Variants in ZFHX3 observed in about 807,000 individuals in gnomAD.
The protein encoded by ZFHX3 is zinc finger homeobox protein 3.
Under a neutral mutation model 279.1 loss-of-function variants are expected in ZFHX3, and 42 were observed. The ratio of observed to expected loss-of-function variants is 0.15; its 90% CI spans 0.12 to 0.19. The LOEUF (loss-of-function observed/expected upper bound fraction) is 0.19. Ranked by LOEUF, ZFHX3 falls within the 10% of genes least tolerant of loss-of-function variation. The probability of loss-of-function intolerance (pLI) is 1.00; values close to 1 mark genes in which losing one functional copy is unlikely to be tolerated. For synonymous variants in ZFHX3, 2,293 were observed against 1,957.8 expected, an observed-to-expected ratio of 1.17 and a Z score of -4.52; for missense variants, 4,981 against 4,754.0, an observed-to-expected ratio of 1.05 and a Z score of -1.40.
intron 2 of ZFHX3, among the ~76,000 whole-genome samples, chr16:73,474,129 T>TTTTATTTATTTA (rs578092478): frequency 4.0e-5 from 6 of 148,808 alleles, no homozygotes; most frequent in African/African-American, 1.5e-4. Flanking sequence ...TCTCGCTCTT[T>TTTTATTTATTTA]TTTATTTATT....
intron 2 of ZFHX3, among the ~76,000 whole-genome samples, chr16:73,647,935 C>A (rs750075341): frequency 1.3e-5 from 2 of 151,998 alleles, no homozygotes; most frequent in Non-Finnish European, 1.5e-5. Context: ...ATAAAACATA[C>A]GCTCAATACA....
intron 1 of ZFHX3, among the ~76,000 whole-genome samples, chr16:73,033,341 C>A (rs1009521002): frequency 6.6e-6 from 1 of 151,284 alleles, no homozygotes. Flanking sequence ...CAGGCGCCTC[C>A]GAGGGTTCGT....
intron 2 of ZFHX3, among the ~76,000 whole-genome samples, chr16:73,584,008 G>C (rs542686558): frequency 1.3e-5 from 2 of 152,154 alleles, no homozygotes; most frequent in Non-Finnish European, 2.9e-5. Context: ...AATATGCTTA[G>C]ACATTGAATT....
Position 72,950,588 on chromosome 16 carries a change from C to T in ZFHX3, c.3097G>A (p.Ala1033Thr). The T allele has an allele frequency of 6.2e-7, 1 of 1,614,220 alleles. No homozygotes were observed. Among genetic ancestry groups the T allele is most frequent in the African/African-American group, 1.3e-5 (1 of 75,050 alleles). Residue 1033 changes from alanine (A) to threonine (T), a missense_variant, in exon 3 of 10, where the codon GCC (alanine) becomes ACC (threonine). Ala to Thr is a moderately conservative substitution (Grantham distance 58). This residue lies in a region of ZFHX3 where 1,751 missense variants were observed against 1,770.0 expected (regional missense o/e 0.99). Coordinates refer to ENST00000268489, the MANE Select transcript of ZFHX3 (RefSeq NM_006885.4). Reference sequence around the variant, plus strand: ...TTGAGGTGCACGGGGTTGCCGATGGCCACACACTTGAGCCTCCACTCGTTG... The same window carrying T: ...TTGAGGTGCACGGGGTTGCCGATGGTCACACACTTGAGCCTCCACTCGTTG... ...KANEWRLKCV[A>T]IGNPVHLKCN...
At chr16:73,414,697 G>C (rs1025957376) in intron 3 of ZFHX3, among the ~76,000 whole-genome samples, 5 of 152,278 alleles carry the variant, frequency 3.3e-5, no homozygotes, top group African/African-American at 1.2e-4. Flanking sequence ...AATCCACCAG[G>C]CATGGGGGCA....
chr16:73,615,299 G>C (rs997571288), intron 2 of ZFHX3, among the ~76,000 whole-genome samples: 7 of 152,044 alleles, frequency 4.6e-5, no homozygotes, highest in Admixed American at 2.6e-4. Flanking sequence ...CAGAGATGAC[G>C]GATGTGACAG....
chr16:73,764,808 G>C (rs944500871), intron 1 of ZFHX3, among the ~76,000 whole-genome samples: 4 of 152,176 alleles, frequency 2.6e-5, no homozygotes, highest in African/African-American at 7.2e-5. Flanking sequence ...ATGAGCCTAA[G>C]CCACCCTGCT....
intron 1 of ZFHX3, among the ~76,000 whole-genome samples, chr16:73,728,319 G>A (rs1244937720): frequency 6.6e-6 from 1 of 152,132 alleles, no homozygotes; most frequent in Admixed American, 6.5e-5. Flanking sequence ...CTGACACCTT[G>A]ATCTCAGACT....
At position 73,677,448 on chromosome 16, in the gene ZFHX3, A is replaced by T. The variant is rs1428901553; in HGVS notation, c.-1547+2732T>A. ...TTAATAAACAACAACAACAACAAAA[A>T]ATGAATTAACTAAGCATGCAACTTT... On this transcript the variant is annotated intron_variant, in intron 2 of 17. Coordinates refer to the ZFHX3 transcript ENST00000641206. Among the ~76,000 whole-genome samples, 5 of 151,842 alleles carry T rather than the reference A, an allele frequency of 3.3e-5. 1 individual carries two copies. Among genetic ancestry groups the T allele is most frequent in the Non-Finnish European group, 1.5e-5 (1 of 67,818 alleles).
At chr16:73,646,324 G>A (rs1330050263) in intron 2 of ZFHX3, among the ~76,000 whole-genome samples, 2 of 151,850 alleles carry the variant, frequency 1.3e-5, no homozygotes, top group Non-Finnish European at 2.9e-5. Flanking sequence ...GAGACAATGA[G>A]GGTACCCACC....
intron 7 of ZFHX3, among the ~76,000 whole-genome samples, chr16:73,104,495 G>A (rs575231324): frequency 8.5e-5 from 13 of 152,274 alleles, no homozygotes; most frequent in African/African-American, 2.4e-4. Context: ...CTCCCAAAGT[G>A]CTGGGATTAC....
intron 1 of ZFHX3, among the ~76,000 whole-genome samples, chr16:73,817,333 C>T (rs1960601923): frequency 1.3e-5 from 2 of 152,136 alleles, no homozygotes; most frequent in South Asian, 4.1e-4. Context: ...TCACCATATT[C>T]TGGAGAGGGC....
chr16:73,509,800 A>AAG (rs1350400137), intron 2 of ZFHX3, among the ~76,000 whole-genome samples: 1 of 150,902 alleles, frequency 6.6e-6, no homozygotes, highest in Non-Finnish European at 1.5e-5. Context: ...GGTTCAAGCA[A>AAG]TTCTCCTGCC....
chr16:73,247,386 C>T (rs564192462), intron 5 of ZFHX3, among the ~76,000 whole-genome samples: 11 of 148,308 alleles, frequency 7.4e-5, no homozygotes, highest in Admixed American at 5.4e-4. Flanking sequence ...GTGGAGTATA[C>T]GCGTGTGTGT....
chr16:73,768,944 A>T (rs2053985447), intron 1 of ZFHX3, among the ~76,000 whole-genome samples: 1 of 152,138 alleles, frequency 6.6e-6, no homozygotes, highest in Non-Finnish European at 1.5e-5. Flanking sequence ...AAACACAAAT[A>T]TGGGATGCCT....
intron 7 of ZFHX3, among the ~76,000 whole-genome samples, chr16:72,800,460 A>G (rs559212284): frequency 8.5e-5 from 13 of 152,226 alleles, no homozygotes; most frequent in Admixed American, 6.5e-5. Flanking sequence ...AATTAGGTAG[A>G]TAAGTTGAAA....
At chr16:73,008,407 C>T (rs993004616) in intron 1 of ZFHX3, among the ~76,000 whole-genome samples, 9 of 152,080 alleles carry the variant, frequency 5.9e-5, no homozygotes, top group African/African-American at 2.2e-4. Flanking sequence ...ATAAAAACAT[C>T]TCTGAAAGGA....
At chr16:73,864,682 T>G (rs1961966876) in intron 1 of ZFHX3, among the ~76,000 whole-genome samples, 1 of 152,112 alleles carries the variant, frequency 6.6e-6, no homozygotes, top group Non-Finnish European at 1.5e-5. Flanking sequence ...ATCGCCCCAC[T>G]GCACTCCCAC....
chr16:73,266,966 T>C (rs971136755), intron 4 of ZFHX3, among the ~76,000 whole-genome samples: 23 of 152,322 alleles, frequency 1.5e-4, no homozygotes, highest in African/African-American at 5.1e-4. Flanking sequence ...ACTTGGGTAC[T>C]GCAAGGCAGA....
Sources: allele counts gnomAD v4.1 joint callset (sites outside exome capture counted in the v4.1 genomes callset), GRCh38; gene constraint gnomAD v4.1.1; regional missense constraint gnomAD v4.1.1; transcripts MANE v1.5; gene names NCBI Gene and HGNC (gene_info 2026-07-23, HGNC 2026-07-21).